The following CDHR4 variants were observed in gnomAD, a reference collection of about 807,000 sequenced individuals.
The protein encoded by CDHR4 is cadherin related family member 4, also known as cadherin-related family member 4.
A neutral mutation model predicts 88.4 loss-of-function variants in CDHR4; 89 were observed. That is an observed-to-expected ratio of 1.01 (90% CI 0.85 to 1.20). The LOEUF is 1.20. Ranked by LOEUF, CDHR4 falls within the 50% of genes most tolerant of loss-of-function variation. The pLI is 0.00. For missense variants in CDHR4, 914 were observed against 1,007.2 expected (o/e 0.91, Z 1.25); for synonymous variants, 368 against 399.2 (o/e 0.92, Z 0.93).
At position 49,790,775 on chromosome 3, in the gene CDHR4, A is replaced by G; in HGVS notation, c.*57T>C. On this transcript the variant is annotated 3_prime_UTR_variant, in exon 19 of 19. Transcript: ENST00000412678. The stretch of plus-strand genomic sequence containing the variant: ...GTTTATTATGAATCAACTTGAAAAT[A>G]CAGCCCATGATGGTGTGAAAAAGAA... The G allele has an allele frequency of 7.1e-7, 1 of 1,398,768 alleles. No homozygotes were observed. Among genetic ancestry groups the G allele is most frequent in the Non-Finnish European group, 9.7e-7 (1 of 1,030,142 alleles). 86.6% of individuals were successfully genotyped at this position (1,398,768 alleles called of 1,614,324 possible). A position where few individuals can be genotyped will look rare whatever the true frequency, so the allele number is the denominator to read the frequency against.
In CDHR4 at chr3:49,792,938, G is replaced by A. The variant is rs1320040382; in HGVS notation, c.1911C>T (p.Pro637=). ...TAATGGTGGCTGTGGTGCTGAGGTG[G>A]GGGGTGGAGGGGCCTGCATCGGCCA... ...ICVADAGPST[P]HLSTTATIIV... Residue 637 remains proline, a synonymous_variant, in exon 14 of 19, where the codon CCC becomes CCT. Coordinates refer to ENST00000412678, the MANE Select transcript of CDHR4 (RefSeq NM_001007540.4). The A allele has an allele frequency of 6.4e-7, 1 of 1,551,672 alleles. No homozygotes were observed. The highest frequency in any genetic ancestry group is 2.0e-5 in the Admixed American group (1 of 50,998).
intron 14 of CDHR4, 115 bp from the exon 15 acceptor site, chr3:49,792,725 G>A: frequency 6.8e-7 from 1 of 1,473,872 alleles, no homozygotes; most frequent in East Asian, 2.5e-5. Flanking sequence ...CTTCAACACT[G>A]CTGGGCTCTC....
upstream of CDHR4, among the ~76,000 whole-genome samples, chr3:49,800,469 T>G (rs2081345399): frequency 6.6e-6 from 1 of 151,238 alleles, no homozygotes; most frequent in Non-Finnish European, 1.5e-5. Flanking sequence ...CAGTGAGTCA[T>G]GATTGTGCCA....
In CDHR4 at chr3:49,795,249, C is replaced by T; in HGVS notation, c.978G>A (p.Met326Ile). Residue 326 changes from methionine to isoleucine, a missense_variant, in exon 8 of 19, where the codon ATG (methionine) becomes ATA (isoleucine). Transcript: ENST00000412678. The surrounding 1 kb of genome is among the most constrained non-coding windows in gnomAD (Gnocchi z 5.4). ...LWASAKLNLT[M>I]NVQLVNLWPP... ...GCCAGAGGTTGACCAGCTGCACATT[C>T]ATGGTGAGATTGAGCTTGGCACTGG... 6.4e-7 allele frequency: 1 copy of T among 1,551,652 alleles called. No individual in the cohort carries two copies. The highest frequency in any genetic ancestry group is 8.7e-7 in the Non-Finnish European group (1 of 1,146,982).
At position 49,795,954 on chromosome 3, in the gene CDHR4, C is replaced by G. The variant is rs1359318930; in HGVS notation, c.699G>C (p.Gln233His). 6.5e-7 allele frequency: 1 copy of G among 1,540,972 alleles called. No homozygotes were observed. The highest frequency in any genetic ancestry group is 8.8e-7 in the Non-Finnish European group (1 of 1,142,208). The part of the protein sequence containing the change: ...IVKVLPVPSS[Q>H]VSFLEQAQNI... ...TAGGGGAGCCTTACAGGAAGGAGAC[C>G]TGGCTGGAGGGAACAGGCAAAACCT... is the stretch of plus-strand genomic sequence containing the variant. The change falls in exon 6 of 19, where the codon CAG becomes CAC. Residue 233 changes from glutamine to histidine, a missense_variant. Physicochemically the swap from Gln to His is conservative, Grantham distance 24. Coordinates refer to ENST00000412678, the MANE Select transcript of CDHR4 (RefSeq NM_001007540.4). This position sits in a 1 kb window ranked among gnomAD's most constrained non-coding sequence, Gnocchi z 5.4.
At chr3:49,792,361 C>T (rs563747616) in intron 15 of CDHR4, 107 bp downstream of exon 15, 106 of 1,384,676 alleles carry the variant, frequency 7.7e-5, no homozygotes, top group Non-Finnish European at 9.9e-5. Context: ...AGTTCGTCAC[C>T]CACCTACTTG....
At chr3:49,791,202 C>T (rs2081174121) in intron 18 of CDHR4, among the ~76,000 whole-genome samples, 1 of 152,208 alleles carries the variant, frequency 6.6e-6, no homozygotes, top group African/African-American at 2.4e-5. Context: ...CATCATCCCT[C>T]CTCCCGTTGT....
chr3:49,791,482 A>C lies in CDHR4; in HGVS notation c.2284-14T>G, dbSNP rs1262977768. On this transcript the variant is annotated splice_polypyrimidine_tract_variant and intron_variant, in intron 17 of 18. Transcript: ENST00000412678. Reference sequence around the variant, plus strand: ...GCCATCAAAATGCTGCTGAGGGAAAAAAAAAAAAGATGCAATGAATTGAAC... The same window carrying C: ...GCCATCAAAATGCTGCTGAGGGAAACAAAAAAAAGATGCAATGAATTGAAC... The C allele has an allele frequency of 6.5e-7, 1 of 1,542,970 alleles. No individual in the cohort carries two copies. Among genetic ancestry groups the C allele is most frequent in the East Asian group, 2.4e-5 (1 of 40,898 alleles).
upstream of CDHR4, among the ~76,000 whole-genome samples, chr3:49,802,295 T>TTC (rs2081372107): frequency 1.3e-5 from 2 of 152,120 alleles, no homozygotes; most frequent in African/African-American, 4.8e-5. Flanking sequence ...TGCCTCAGCC[T>TTC]CAGGAGTAGC....
chr3:49,796,114 C>G, intron 5 of CDHR4, 68 bp from the exon 6 acceptor site: 1 of 1,214,402 alleles, frequency 8.2e-7, no homozygotes, highest in Admixed American at 3.1e-5. Context: ...ATGCCCAGTC[C>G]TCCCCTTAAA....
rs374009931 is a variant in CDHR4 at position 49,795,778 on chromosome 3, G to T, written c.711-14C>A. The T allele has an allele frequency of 1.9e-6, 3 of 1,551,626 alleles. No individual in the cohort carries two copies. The highest frequency in any genetic ancestry group is 1.4e-5 in the African/African-American group (1 of 73,158). ...TGAGCCTGCTCGCTGGACCAAAAGG[G>T]GGGCACTGGTTCCTGCCCATTCCTG... On this transcript the variant is annotated splice_polypyrimidine_tract_variant and intron_variant, in intron 6 of 18. Transcript: ENST00000412678. The surrounding 1 kb of genome is among the most constrained non-coding windows in gnomAD (Gnocchi z 5.4).
rs750006002 is a variant in CDHR4, at chr3:49,799,803, GC to G, written c.9del (p.Leu4SerfsTer22). On this transcript the variant is annotated frameshift_variant, in exon 1 of 19. Coordinates refer to ENST00000412678, the MANE Select transcript of CDHR4 (RefSeq NM_001007540.4). LOFTEE classifies it high-confidence loss of function. MV[L>X]LRLLVFLFAP... is the part of the protein sequence containing the mutation. Reference sequence around the variant, plus strand: ...GCAAAGAGGAACACGAGGAGCCTGAGCAGCACCATGATGACCTGAAGACACA... The same window carrying G: ...GCAAAGAGGAACACGAGGAGCCTGAGAGCACCATGATGACCTGAAGACACA... 1.2e-6 allele frequency: 2 copies of G among 1,613,824 alleles called. No homozygotes were observed. Among genetic ancestry groups the G allele is most frequent in the African/African-American group, 2.7e-5 (2 of 74,928 alleles).
intron 9 of CDHR4, 84 bp downstream of exon 9, chr3:49,794,863 C>G (rs1442633442): frequency 6.6e-7 from 1 of 1,518,162 alleles, no homozygotes; most frequent in Non-Finnish European, 8.9e-7. Context: ...ACCCCCACTC[C>G]CGTGGTCTCA....
Position 49,795,867 on chromosome 3 carries a change from C to G in CDHR4, c.710+76G>C. The G allele has an allele frequency of 2.6e-6, 4 of 1,518,828 alleles. No individual in the cohort carries two copies. The highest frequency in any genetic ancestry group is 2.7e-6 in the Non-Finnish European group (3 of 1,127,724). 94.1% of individuals were successfully genotyped at this position (1,518,828 alleles called of 1,614,324 possible). On this transcript the variant is annotated intron_variant, in intron 6 of 18. Coordinates refer to ENST00000412678, the MANE Select transcript of CDHR4 (RefSeq NM_001007540.4). This position sits in a 1 kb window ranked among gnomAD's most constrained non-coding sequence, Gnocchi z 5.4. ...CTCCTGTCAGGGCTGGGACTCAGCT[C>G]CAGCAGCCTCACCCTACCTGATTCC...
rs2081201817 is a variant in CDHR4, at chr3:49,792,861, C to T, written c.1988G>A (p.Arg663Lys). 6.5e-7 allele frequency: 1 copy of T among 1,537,526 alleles called. No individual in the cohort carries two copies. Among genetic ancestry groups the T allele is most frequent in the Non-Finnish European group, 8.8e-7 (1 of 1,137,046 alleles). ...CCCAAGGAGCCTCCTCACTGTGGTT[C>T]TGTGGGTGCTGGTGGCCACTGTGCT... is the stretch of plus-strand genomic sequence containing the variant. The part of the protein sequence containing the change: ...RASTVATSTH[R>K]TTVPSTMTPM... Residue 663 changes from arginine to lysine, a missense_variant, in exon 14 of 19, where the codon AGA (arginine) becomes AAA (lysine). Arg to Lys is a conservative substitution (Grantham distance 26). Coordinates refer to ENST00000412678, the MANE Select transcript of CDHR4 (RefSeq NM_001007540.4).
At chr3:49,802,446 A>T (rs2081374474), upstream of CDHR4, among the ~76,000 whole-genome samples, 1 of 152,136 alleles carries the variant, frequency 6.6e-6, no homozygotes, top group Non-Finnish European at 1.5e-5. Flanking sequence ...AACTGCTGGG[A>T]TTACAGGCGT....
At chr3:49,798,445 G>A (rs1459250698) in intron 4 of CDHR4, 72 of 231,196 alleles carry the variant, frequency 3.1e-4, no homozygotes, top group Admixed American at 2.6e-4. Context: ...AAAATTAGCC[G>A]GGCGTGGTGG....
chr3:49,793,494 G>C, intron 12 of CDHR4, 89 bp downstream of exon 12: 1 of 1,503,342 alleles, frequency 6.7e-7, no homozygotes, highest in East Asian at 2.5e-5. Flanking sequence ...AAGAAACCAA[G>C]GCACAGAGTG....
At position 49,799,667 on chromosome 3, in the gene CDHR4, T is replaced by C. The variant is rs2081333828; in HGVS notation, c.49+97A>G. 5 of 1,367,692 alleles carry C rather than the reference T, an allele frequency of 3.7e-6. No homozygotes were observed. The South Asian group carries it at 6.2e-5, about 17-fold the overall frequency. 84.7% of individuals were successfully genotyped at this position (1,367,692 alleles called of 1,614,324 possible). On this transcript the variant is annotated intron_variant, in intron 1 of 18. Transcript: ENST00000412678. ...AGGGGTTCAGATTCTTACACTTTCCTACCTCTCCCCCAATCCCTGTCCTCC... is the reference window on the plus strand; with the variant it reads ...AGGGGTTCAGATTCTTACACTTTCCCACCTCTCCCCCAATCCCTGTCCTCC...
Sources: gnomAD v4.1 joint callset for allele counts (sites outside exome capture counted in the v4.1 genomes callset) on GRCh38, gnomAD v4.1.1 for gene constraint, Gnocchi (gnomAD v3.1) non-coding constraint, MANE v1.5 for transcripts, NCBI Gene and HGNC (gene_info 2026-07-23, HGNC 2026-07-21) for gene names.